The following LRRIQ4 variants were observed in gnomAD, a reference collection of about 807,000 sequenced individuals.
LRRIQ4 encodes leucine rich repeats and IQ motif containing 4.
LRRIQ4 carries 21 observed loss-of-function variants against 40.1 expected under a neutral mutation model. The observed-to-expected ratio is 0.52, with a 90% CI of 0.37 to 0.75. LRRIQ4 has a LOEUF of 0.75. LRRIQ4 is among the 30% of genes least tolerant of loss of function. The probability of loss-of-function intolerance (pLI) is 0.00; values close to 1 mark genes in which losing one functional copy is unlikely to be tolerated. For missense variants in LRRIQ4, 655 were observed against 660.0 expected, an observed-to-expected ratio of 0.99 and a Z score of 0.08; for synonymous variants, 277 against 277.1, an observed-to-expected ratio of 1.00 and a Z score of 0.00.
In LRRIQ4 at chr3:169,827,468, G is replaced by A. The variant is rs556399177; in HGVS notation, c.1021-1291G>A. Among the ~76,000 whole-genome samples, 43 of 152,076 alleles carry A rather than the reference G, an allele frequency of 2.8e-4. 1 individual carries two copies. The highest frequency in any genetic ancestry group is 9.6e-4 in the African/African-American group (40 of 41,514). ...TAAAAATACAAAAAATTAGCCGGGC[G>A]TGGTGGTGGGCGCCTGTAGTCCCAG... On this transcript the variant is annotated intron_variant, in intron 2 of 5. Coordinates refer to ENST00000340806, the MANE Select transcript of LRRIQ4 (RefSeq NM_001080460.3).
In LRRIQ4 at chr3:169,822,359, G is replaced by T. The variant is rs1287416749; in HGVS notation, c.438G>T (p.Leu146=). 1 of 1,613,202 alleles carries T rather than the reference G, an allele frequency of 6.2e-7. No individual in the cohort carries two copies. Among genetic ancestry groups the T allele is most frequent in the Non-Finnish European group, 8.5e-7 (1 of 1,179,602 alleles). ...VIFKNLHHLE[L]LGLTGNHLKC... ...TTAAAAACCTCCACCATCTCGAGCTGCTCGGACTGACCGGAAACCACCTGA... is the reference window on the plus strand; with the variant it reads ...TTAAAAACCTCCACCATCTCGAGCTTCTCGGACTGACCGGAAACCACCTGA... The change falls in exon 2 of 6, where the codon CTG becomes CTT. Residue 146 remains leucine (L), a synonymous_variant. Coordinates refer to ENST00000340806, the MANE Select transcript of LRRIQ4 (RefSeq NM_001080460.3).
chr3:169,822,788 C>T lies in LRRIQ4; in HGVS notation c.867C>T (p.Asn289=). The part of the protein sequence containing the change: ...WTSLHLLYLG[N]TGLHRLRGSF... Reference sequence around the variant, plus strand: ...CGCTGCACCTGCTCTACCTGGGAAACACCGGCCTGCACAGGCTGCGGGGCT... The same window carrying T: ...CGCTGCACCTGCTCTACCTGGGAAATACCGGCCTGCACAGGCTGCGGGGCT... Residue 289 remains asparagine (N), a synonymous_variant, in exon 2 of 6, where the codon AAC becomes AAT. Coordinates refer to ENST00000340806, the MANE Select transcript of LRRIQ4 (RefSeq NM_001080460.3). The T allele has an allele frequency of 6.2e-7, 1 of 1,613,688 alleles. No homozygotes were observed. Among genetic ancestry groups the T allele is most frequent in the Non-Finnish European group, 8.5e-7 (1 of 1,179,736 alleles).
At chr3:169,837,332 A>C (rs1165651751) in intron 5 of LRRIQ4, 147 bp from the exon 6 acceptor site, 10 of 954,616 alleles carry the variant, frequency 1.0e-5, no homozygotes, top group Non-Finnish European at 1.3e-5. Context: ...TAGCCAATTG[A>C]GAAAGATAGA....
Position 169,837,659 on chromosome 3 carries a change from G to A in LRRIQ4, c.*28G>A, listed in dbSNP as rs767290084. 2.6e-6 allele frequency: 4 copies of A among 1,519,358 alleles called. No individual in the cohort carries two copies. In the South Asian group the frequency reaches 5.2e-5, roughly 20 times the overall value. 94.1% of individuals were successfully genotyped at this position (1,519,358 alleles called of 1,614,324 possible). A position where few individuals can be genotyped will look rare whatever the true frequency, so the allele number is the denominator to read the frequency against. On this transcript the variant is annotated 3_prime_UTR_variant, in exon 6 of 6. Coordinates refer to ENST00000340806, the MANE Select transcript of LRRIQ4 (RefSeq NM_001080460.3). ...CTGTAAATTGATAAATTGGGGTAAT[G>A]GACCTTGATAGATTAAGAAGACAAA...
chr3:169,825,895 C>T (rs1780030200), intron 2 of LRRIQ4, among the ~76,000 whole-genome samples: 1 of 152,106 alleles, frequency 6.6e-6, no homozygotes, highest in South Asian at 2.1e-4. Flanking sequence ...TATGCTAATA[C>T]CACCTTCCAA....
At chr3:169,832,963 A>G in intron 4 of LRRIQ4, 24 bp from the exon 5 acceptor site, 1 of 1,597,900 alleles carries the variant, frequency 6.3e-7, no homozygotes, top group Non-Finnish European at 8.5e-7. Context: ...AGATTGAACC[A>G]CCATTACGAA....
At chr3:169,814,711 C>T (rs568916424) in intron 1 of LRRIQ4, among the ~76,000 whole-genome samples, 53 of 152,304 alleles carry the variant, frequency 3.5e-4, no homozygotes, top group Non-Finnish European at 6.5e-4. Context: ...TCTCAAACTC[C>T]TGACCTCAAG....
chr3:169,818,947 A>C (rs1046067457), intron 1 of LRRIQ4, among the ~76,000 whole-genome samples: 7 of 152,136 alleles, frequency 4.6e-5, no homozygotes, highest in Admixed American at 2.0e-4. Context: ...AAGCATCAAC[A>C]CTCACTGTAA....
intron 5 of LRRIQ4, among the ~76,000 whole-genome samples, chr3:169,835,309 A>C (rs140032193): frequency 1.5e-4 from 23 of 152,018 alleles, no homozygotes; most frequent in African/African-American, 5.6e-4. Context: ...TTGGTTAACC[A>C]GTCCCTAGAG....
At chr3:169,832,870 C>T in intron 4 of LRRIQ4, 117 bp from the exon 5 acceptor site, 1 of 847,140 alleles carries the variant, frequency 1.2e-6, no homozygotes, top group African/African-American at 1.7e-5. Context: ...TGCATCCTTC[C>T]TCTCATTCCC....
At position 169,837,692 on chromosome 3, in the gene LRRIQ4, G is replaced by A. The variant is rs2108190482; in HGVS notation, c.*61G>A. 2.4e-6 allele frequency: 3 copies of A among 1,228,088 alleles called. No individual in the cohort carries two copies. The highest frequency in any genetic ancestry group is 3.1e-5 in the Admixed American group (1 of 32,354). 76.1% of individuals were successfully genotyped at this position (1,228,088 alleles called of 1,614,324 possible). ...ATAGATTAAGAAGACAAAATATCTAGGAATTAGATGCCTACTACATTAAAA... is the reference window on the plus strand; with the variant it reads ...ATAGATTAAGAAGACAAAATATCTAAGAATTAGATGCCTACTACATTAAAA... On this transcript the variant is annotated 3_prime_UTR_variant, in exon 6 of 6. Transcript: ENST00000340806.
chr3:169,826,548 A>G (rs1020548852), intron 2 of LRRIQ4, among the ~76,000 whole-genome samples: 2 of 152,176 alleles, frequency 1.3e-5, no homozygotes, highest in African/African-American at 4.8e-5. Flanking sequence ...ATACTTTACT[A>G]TGACTATGAT....
In LRRIQ4 at chr3:169,837,491, T is replaced by C. The variant is rs1253755345; in HGVS notation, c.1543T>C (p.Trp515Arg). ...ATCTTGTTTTCAGATTCAGGCATGGTGGCGTGGAACAATGGTACAGAGAGG... is the reference window on the plus strand; with the variant it reads ...ATCTTGTTTTCAGATTCAGGCATGGCGGCGTGGAACAATGGTACAGAGAGG... ...NIMATKIQAW[W>R]RGTMVQRGFG... is the part of the protein sequence containing the mutation. The change falls in exon 6 of 6, where the codon TGG (tryptophan) becomes CGG (arginine). Residue 515 changes from tryptophan (W) to arginine (R), a missense_variant. Coordinates refer to ENST00000340806, the MANE Select transcript of LRRIQ4 (RefSeq NM_001080460.3). 2.5e-6 allele frequency: 4 copies of C among 1,606,278 alleles called. No individual in the cohort carries two copies. The highest frequency in any genetic ancestry group is 3.4e-6 in the Non-Finnish European group (4 of 1,178,038).
intron 1 of LRRIQ4, among the ~76,000 whole-genome samples, chr3:169,816,019 G>A (rs2108262403): frequency 6.6e-6 from 1 of 152,244 alleles, no homozygotes; most frequent in African/African-American, 2.4e-5. Flanking sequence ...TTTTTTTAAT[G>A]TGTTGTTGAA....
At chr3:169,821,168 G>A (rs1255584604) in intron 1 of LRRIQ4, among the ~76,000 whole-genome samples, 1 of 152,108 alleles carries the variant, frequency 6.6e-6, no homozygotes, top group Non-Finnish European at 1.5e-5. Context: ...TGTTGTTTTT[G>A]TTTTTGTTTT....
At position 169,837,602 on chromosome 3, in the gene LRRIQ4, G is replaced by T; in HGVS notation, c.1654G>T (p.Gly552Ter). The T allele has an allele frequency of 6.3e-7, 1 of 1,583,686 alleles. No homozygotes were observed. Among genetic ancestry groups the T allele is most frequent in the East Asian group, 2.3e-5 (1 of 44,042 alleles). Residue 552 changes from glycine to a stop codon, truncating the protein, a stop_gained, in exon 6 of 6, where the codon GGA (glycine) becomes TGA (stop). Transcript: ENST00000340806. LOFTEE classifies it high-confidence loss of function. ...TAAGAAAGGAAAGAAGGATGTAAAA[G>T]GAAAACCAGGAAAGGGAAAAAAGAA... ...KDKKGKKDVK[G>*]KPGKGKKK is the part of the protein sequence containing the mutation.
chr3:169,821,467 A>G (rs1264565875), intron 1 of LRRIQ4, among the ~76,000 whole-genome samples: 1 of 141,780 alleles, frequency 7.1e-6, no homozygotes, highest in Non-Finnish European at 1.5e-5. Flanking sequence ...CCCCGTCTCT[A>G]CTAAAATTAC....
chr3:169,831,144 A>G (rs1780162480), intron 4 of LRRIQ4, among the ~76,000 whole-genome samples: 1 of 151,452 alleles, frequency 6.6e-6, no homozygotes, highest in Admixed American at 6.6e-5. Flanking sequence ...TTGTCTGTAC[A>G]TTCATCCATC....
chr3:169,831,440 A>ATGTTTTTTTTTT (rs1780173314), intron 4 of LRRIQ4, among the ~76,000 whole-genome samples: 1 of 29,396 alleles, frequency 3.4e-5, no homozygotes, highest in African/African-American at 1.3e-4. Flanking sequence ...CGCCCGGCTA[A>ATGTTTTTTTTTT]TTTTTTTTTT....
Sources: gnomAD v4.1 joint callset for allele counts (sites outside exome capture counted in the v4.1 genomes callset) on GRCh38, gnomAD v4.1.1 for gene constraint, MANE v1.5 for transcripts, NCBI Gene and HGNC (gene_info 2026-07-23, HGNC 2026-07-21) for gene names.